Variants in FAM222B observed in about 807,000 individuals in gnomAD.
FAM222B encodes protein FAM222B.
Under a neutral mutation model 38.0 loss-of-function variants are expected in FAM222B, and 12 were observed. The observed-to-expected ratio is 0.32, with a 90% CI of 0.20 to 0.51. FAM222B has a LOEUF of 0.51. FAM222B is among the 20% of genes least tolerant of loss of function. The probability of loss-of-function intolerance (pLI) is 0.97; values close to 1 mark genes in which losing one functional copy is unlikely to be tolerated. For synonymous variants in FAM222B, 329 were observed against 317.2 expected (o/e 1.04, Z -0.40); for missense variants, 716 against 754.2 (o/e 0.95, Z 0.59).
At chr17:28,823,871 G>C (rs1029271634) in intron 1 of FAM222B, among the ~76,000 whole-genome samples, 1 of 148,232 alleles carries the variant, frequency 6.7e-6, no homozygotes. Flanking sequence ...AGGACCAAAA[G>C]AGAATTTTTT....
At chr17:28,791,554 GAAAGCAA>G (rs2036684926) in intron 1 of FAM222B, among the ~76,000 whole-genome samples, 1 of 151,216 alleles carries the variant, frequency 6.6e-6, no homozygotes, top group South Asian at 2.1e-4. Context: ...TTCGCCATTG[GAAAGCAA>G]AAAACAAAAA....
rs563347542 is a variant in FAM222B at position 28,780,397 on chromosome 17, C to G, written c.-40-13690G>C. Among the ~76,000 whole-genome samples the G allele has an allele frequency of 2.0e-4, 31 of 152,118 alleles. No individual in the cohort carries two copies. In the South Asian group the frequency reaches 2.3e-3, roughly 11 times the overall value. On this transcript the variant is annotated intron_variant, in intron 1 of 2. Transcript: ENST00000581407. ...TAAAGACTCCAAAAAACTATTAGAA[C>G]TAATGAACAAATTCAGTTAAGTAGT... is the stretch of plus-strand genomic sequence containing the variant.
intron 1 of FAM222B, among the ~76,000 whole-genome samples, chr17:28,794,426 G>A (rs987832607): frequency 6.6e-6 from 1 of 151,650 alleles, no homozygotes; most frequent in African/African-American, 2.4e-5. Flanking sequence ...CAACATGTTG[G>A]CCAGGATGGT....
upstream of FAM222B, among the ~76,000 whole-genome samples, chr17:28,847,355 G>C (rs1434692381): frequency 6.6e-6 from 1 of 152,110 alleles, no homozygotes; most frequent in Non-Finnish European, 1.5e-5. Flanking sequence ...AGCACTTTGG[G>C]AGGCTGAGGC....
chr17:28,843,402 G>C (rs1371603055), upstream of FAM222B, among the ~76,000 whole-genome samples: 1 of 148,546 alleles, frequency 6.7e-6, no homozygotes, highest in Admixed American at 6.8e-5. Context: ...CTTCTAAAGC[G>C]CTGGGATTAC....
At chr17:28,852,496 C>G (rs1346394228) in intron 1 of FAM222B, among the ~76,000 whole-genome samples, 1 of 151,870 alleles carries the variant, frequency 6.6e-6, no homozygotes, top group Non-Finnish European at 1.5e-5. Flanking sequence ...AAAAAATTAG[C>G]CGGATGTGGT....
intron 1 of FAM222B, among the ~76,000 whole-genome samples, chr17:28,774,498 TCCTGGGGCA>T (rs2151815352): frequency 6.6e-6 from 1 of 152,274 alleles, no homozygotes; most frequent in Admixed American, 6.5e-5. Context: ...TTTCCAACTC[TCCTGGGGCA>T]CCTGCACAAG....
At chr17:28,789,262 A>T (rs1156489635) in intron 1 of FAM222B, among the ~76,000 whole-genome samples, 1 of 148,172 alleles carries the variant, frequency 6.7e-6, no homozygotes, top group African/African-American at 2.5e-5. Context: ...GCAGTGGCGG[A>T]ATCTCAGCTC....
intron 1 of FAM222B, among the ~76,000 whole-genome samples, chr17:28,778,283 A>C (rs2035987222): frequency 6.6e-6 from 1 of 151,372 alleles, no homozygotes; most frequent in South Asian, 2.1e-4. Flanking sequence ...CTGGTATATG[A>C]TGTTCCCCTA....
chr17:28,792,506 C>T (rs12453504), intron 1 of FAM222B, among the ~76,000 whole-genome samples: 2 of 151,218 alleles, frequency 1.3e-5, no homozygotes, highest in Admixed American at 6.6e-5. Context: ...ACAAGTTGGG[C>T]GCAGTGGCTC....
intron 1 of FAM222B, among the ~76,000 whole-genome samples, chr17:28,852,344 A>G (rs1272853397): frequency 6.6e-6 from 1 of 151,754 alleles, no homozygotes; most frequent in East Asian, 1.9e-4. Flanking sequence ...CGACAGAGCG[A>G]GACTCTGTCT....
chr17:28,852,770 G>C (rs995664783), intron 1 of FAM222B, among the ~76,000 whole-genome samples: 1 of 152,074 alleles, frequency 6.6e-6, no homozygotes. Context: ...AAAAATATCT[G>C]GGGAAAGGCC....
chr17:28,801,249 C>T (rs551254436), intron 1 of FAM222B, among the ~76,000 whole-genome samples: 29 of 148,306 alleles, frequency 2.0e-4, no homozygotes, highest in African/African-American at 6.7e-4. Context: ...GTCAGGAGAT[C>T]GAGACCATCC....
intron 1 of FAM222B, among the ~76,000 whole-genome samples, chr17:28,814,654 A>T (rs1237903436): frequency 6.6e-6 from 1 of 151,714 alleles, no homozygotes; most frequent in Non-Finnish European, 1.5e-5. Context: ...TTTACTCGAG[A>T]CGGGGTTTCG....
intron 1 of FAM222B, among the ~76,000 whole-genome samples, chr17:28,836,134 C>G (rs1490105205): frequency 6.6e-6 from 1 of 151,536 alleles, no homozygotes; most frequent in Non-Finnish European, 1.5e-5. Flanking sequence ...GGATTACAGG[C>G]GTCCACCACC....
chr17:28,845,345 G>A (rs2039137858), upstream of FAM222B, among the ~76,000 whole-genome samples: 1 of 151,472 alleles, frequency 6.6e-6, no homozygotes, highest in Admixed American at 6.6e-5. Flanking sequence ...AGCTTGCAGT[G>A]AGCCAAGACG....
chr17:28,829,321 G>A (rs1201472411), intron 1 of FAM222B, among the ~76,000 whole-genome samples: 1 of 151,446 alleles, frequency 6.6e-6, no homozygotes, highest in Non-Finnish European at 1.5e-5. Context: ...TTCAAGCTGC[G>A]CCACCACGCC....
chr17:28,854,965 T>C, exon 1 of FAM222B: 1 of 1,498,448 alleles, frequency 6.7e-7, no homozygotes, highest in Non-Finnish European at 8.9e-7. Flanking sequence ...TCCTACTCGC[T>C]GGTTCGTCAG....
At chr17:28,808,094 C>A (rs925717441) in intron 1 of FAM222B, among the ~76,000 whole-genome samples, 1 of 152,198 alleles carries the variant, frequency 6.6e-6, no homozygotes, top group African/African-American at 2.4e-5. Context: ...TTATTTATGC[C>A]CTCAATTGTT....
Sources: gnomAD v4.1 joint callset for allele counts (sites outside exome capture counted in the v4.1 genomes callset) on GRCh38, gnomAD v4.1.1 for gene constraint, MANE v1.5 for transcripts, NCBI Gene and HGNC (gene_info 2026-07-23, HGNC 2026-07-21) for gene names.